The following ADAMTSL1 variants were observed in gnomAD, a reference collection of about 807,000 sequenced individuals.
ADAMTSL1 encodes the protein ADAMTS like 1.
In ADAMTSL1, 126 loss-of-function variants were observed where a neutral mutation model predicts 201.8. The ratio of observed to expected loss-of-function variants is 0.62; its 90% confidence interval spans 0.54 to 0.72. The LOEUF (loss-of-function observed/expected upper bound fraction) is 0.72. Ranked by LOEUF, ADAMTSL1 falls within the 30% of genes least tolerant of loss-of-function variation. The pLI is 0.00. For synonymous variants in ADAMTSL1, 1,121 were observed against 903.4 expected (o/e 1.24, Z -4.32); for missense variants, 2,679 against 2,277.8 (o/e 1.18, Z -3.59).
intron 17 of ADAMTSL1, among the ~76,000 whole-genome samples, chr9:18,775,506 A>G (rs1039689178): frequency 2.6e-5 from 4 of 152,214 alleles, no homozygotes; most frequent in African/African-American, 7.2e-5. Flanking sequence ...CCCAGACTAT[A>G]TATGTAAAAT....
chr9:18,707,150 A>G (rs761331796), intron 14 of ADAMTSL1, 102 bp downstream of exon 14: 59 of 1,400,660 alleles, frequency 4.2e-5, no homozygotes, highest in Non-Finnish European at 4.8e-5. Flanking sequence ...CAAGAATGAT[A>G]AGCAGGAGGA....
intron 3 of ADAMTSL1, among the ~76,000 whole-genome samples, chr9:18,559,349 C>T (rs996355017): frequency 2.0e-5 from 3 of 152,108 alleles, no homozygotes; most frequent in African/African-American, 7.2e-5. Context: ...GGCCTCTGTT[C>T]AGTTCCATTG....
chr9:18,272,287 C>G (rs903317285), intron 2 of ADAMTSL1, among the ~76,000 whole-genome samples: 4 of 152,086 alleles, frequency 2.6e-5, no homozygotes, highest in African/African-American at 9.7e-5. Flanking sequence ...GAACAGAGCC[C>G]TCAGAAATAA....
chr9:18,282,267 T>C (rs1450231804), intron 2 of ADAMTSL1, among the ~76,000 whole-genome samples: 1 of 152,218 alleles, frequency 6.6e-6, no homozygotes, highest in Non-Finnish European at 1.5e-5. Flanking sequence ...GGCTGGATAG[T>C]ATTCCATGGT....
intron 2 of ADAMTSL1, among the ~76,000 whole-genome samples, chr9:18,420,206 C>T (rs1451249888): frequency 1.3e-5 from 2 of 152,096 alleles, no homozygotes; most frequent in Non-Finnish European, 2.9e-5. Context: ...TCAGTAATTA[C>T]TAGGAGTTAA....
Position 18,639,405 on chromosome 9 carries a change from T to G in ADAMTSL1, c.828T>G (p.Ile276Met), listed in dbSNP as rs1474709696. The change falls in exon 7 of 29, where the codon ATT becomes ATG. Residue 276 changes from isoleucine (I) to methionine (M), a missense_variant. Ile to Met is a conservative substitution (Grantham distance 10). Coordinates refer to ENST00000380548, the MANE Select transcript of ADAMTSL1 (RefSeq NM_001040272.6). Reference protein sequence around the residue: ...RMAGPLTADFIVKIRNSGSAD... With the variant: ...RMAGPLTADFMVKIRNSGSAD... ...CTGGACCACTCACAGCAGATTTCAT[T>G]GTCAAGGTGAGCCCTATTTAGATAC... The G allele has an allele frequency of 6.2e-7, 1 of 1,612,098 alleles. No homozygotes were observed. The highest frequency in any genetic ancestry group is 1.3e-5 in the African/African-American group (1 of 74,822).
At chr9:18,407,388 T>C (rs1261927033) in intron 2 of ADAMTSL1, among the ~76,000 whole-genome samples, 1 of 152,186 alleles carries the variant, frequency 6.6e-6, no homozygotes, top group Non-Finnish European at 1.5e-5. Context: ...GAGTTGCAAA[T>C]AGAGATTTGG....
At chr9:18,464,864 A>G (rs1022904819) in intron 2 of ADAMTSL1, among the ~76,000 whole-genome samples, 3 of 152,200 alleles carry the variant, frequency 2.0e-5, no homozygotes, top group African/African-American at 4.8e-5. Flanking sequence ...GTTTAAAACT[A>G]TAGACTGAGA....
At chr9:18,393,432 A>G (rs796848694) in intron 2 of ADAMTSL1, among the ~76,000 whole-genome samples, 14 of 152,340 alleles carry the variant, frequency 9.2e-5, no homozygotes, top group African/African-American at 3.1e-4. Flanking sequence ...TTTAGCACTA[A>G]GAGTTCCACA....
At chr9:18,312,895 A>C (rs1256784005) in intron 2 of ADAMTSL1, among the ~76,000 whole-genome samples, 3 of 152,228 alleles carry the variant, frequency 2.0e-5, no homozygotes, top group African/African-American at 7.2e-5. Flanking sequence ...GCCACCAGCC[A>C]GTAACGCATG....
At chr9:18,797,351 G>C (rs1051035192) in intron 20 of ADAMTSL1, among the ~76,000 whole-genome samples, 1 of 152,188 alleles carries the variant, frequency 6.6e-6, no homozygotes, top group East Asian at 1.9e-4. Flanking sequence ...ATCCACACCT[G>C]TGCCAATGTC....
Position 18,702,202 on chromosome 9 carries a change from C to A in ADAMTSL1, c.1575-4545C>A, listed in dbSNP as rs1401097452. Reference sequence around the variant, plus strand: ...CTCCCATCAGGTCCCTCCCACAACACATGGGAATTATGAGAGCTACAAGAT... The same window carrying A: ...CTCCCATCAGGTCCCTCCCACAACAAATGGGAATTATGAGAGCTACAAGAT... On this transcript the variant is annotated intron_variant, in intron 13 of 28. Transcript: ENST00000380548. Among the ~76,000 whole-genome samples the A allele has an allele frequency of 2.0e-5, 3 of 152,186 alleles. No homozygotes were observed. In the East Asian group the frequency reaches 5.8e-4, roughly 29 times the overall value.
intron 2 of ADAMTSL1, among the ~76,000 whole-genome samples, chr9:18,196,199 A>G (rs899812649): frequency 2.0e-5 from 3 of 151,828 alleles, no homozygotes; most frequent in Non-Finnish European, 4.4e-5. Flanking sequence ...CTTCCTACCC[A>G]CTCCTAAACA....
chr9:18,140,078 G>A (rs1826333493), intron 1 of ADAMTSL1, among the ~76,000 whole-genome samples: 1 of 152,128 alleles, frequency 6.6e-6, no homozygotes, highest in Non-Finnish European at 1.5e-5. Flanking sequence ...TTTGCTAGGT[G>A]TATTCTGTGT....
At chr9:18,041,335 A>G (rs1821418548) in intron 1 of ADAMTSL1, among the ~76,000 whole-genome samples, 1 of 152,216 alleles carries the variant, frequency 6.6e-6, no homozygotes, top group African/African-American at 2.4e-5. Flanking sequence ...GAAGAGTTTT[A>G]TAAATATTTA....
intron 1 of ADAMTSL1, among the ~76,000 whole-genome samples, chr9:17,930,100 G>C (rs754098350): frequency 2.6e-5 from 4 of 152,228 alleles, no homozygotes; most frequent in Middle Eastern, 3.4e-3. Context: ...AGAAATATTA[G>C]CTACTATAGT....
chr9:18,683,912 A>G (rs1830671261), intron 12 of ADAMTSL1, among the ~76,000 whole-genome samples: 1 of 152,200 alleles, frequency 6.6e-6, no homozygotes, highest in Non-Finnish European at 1.5e-5. Flanking sequence ...TTGCAATTGT[A>G]TGTTATAAAA....
At chr9:18,153,211 C>T (rs1826996896) in intron 1 of ADAMTSL1, among the ~76,000 whole-genome samples, 2 of 151,948 alleles carry the variant, frequency 1.3e-5, no homozygotes, top group South Asian at 2.1e-4. Context: ...ACAACCCAAA[C>T]AGGGGATAGA....
At chr9:18,662,617 C>T (rs1442268153) in intron 9 of ADAMTSL1, among the ~76,000 whole-genome samples, 2 of 152,110 alleles carry the variant, frequency 1.3e-5, no homozygotes, top group African/African-American at 2.4e-5. Context: ...AACTTATTCT[C>T]GGTAGTCAGA....
Sources: allele counts gnomAD v4.1 joint callset (sites outside exome capture counted in the v4.1 genomes callset), GRCh38; gene constraint gnomAD v4.1.1; transcripts MANE v1.5; gene names NCBI Gene and HGNC (gene_info 2026-07-23, HGNC 2026-07-21).